The following ITGAV variants were observed in gnomAD, a reference collection of about 807,000 sequenced individuals.
The protein encoded by ITGAV is integrin alpha-V.
ITGAV carries 76 observed loss-of-function variants against 143.8 expected under a neutral mutation model. The observed-to-expected ratio is 0.53, with a 90% confidence interval of 0.44 to 0.64. The LOEUF is 0.64. Among genes scored for constraint, ITGAV ranks in the 30% least tolerant of loss-of-function variants. The pLI, the probability that ITGAV is intolerant of heterozygous loss-of-function variation, is 0.00. For synonymous variants in ITGAV, 453 were observed against 446.7 expected (o/e 1.01, Z -0.18); for missense variants, 1,193 against 1,274.7 (o/e 0.94, Z 0.98).
intron 2 of ITGAV, among the ~76,000 whole-genome samples, chr2:186,618,341 C>T (rs1687425369): frequency 6.6e-6 from 1 of 152,144 alleles, no homozygotes; most frequent in Admixed American, 6.5e-5. Context: ...GTTTTGGGTG[C>T]CAATATACGC....
At chr2:186,647,851 A>C (rs1417732494) in intron 13 of ITGAV, among the ~76,000 whole-genome samples, 1 of 152,210 alleles carries the variant, frequency 6.6e-6, no homozygotes, top group Non-Finnish European at 1.5e-5. Flanking sequence ...TCAATATACA[A>C]GTGTGTTGGT....
intron 18 of ITGAV, among the ~76,000 whole-genome samples, chr2:186,663,016 T>G (rs1410891445): frequency 5.9e-5 from 9 of 152,178 alleles, no homozygotes; most frequent in Non-Finnish European, 1.2e-4. Context: ...ATTTTTATGT[T>G]TCTTCTTTCA....
intron 26 of ITGAV, among the ~76,000 whole-genome samples, chr2:186,673,859 C>T (rs948279092): frequency 1.1e-4 from 16 of 151,830 alleles, no homozygotes; most frequent in African/African-American, 3.9e-4. Flanking sequence ...TTAGTAGAGA[C>T]AGGTTTCACC....
intron 3 of ITGAV, 25 bp downstream of exon 3, chr2:186,622,455 C>G: frequency 2.1e-6 from 3 of 1,455,696 alleles, no homozygotes; most frequent in Non-Finnish European, 2.9e-6. Flanking sequence ...TATTTACTTA[C>G]AGGTGATTTT....
intron 12 of ITGAV, among the ~76,000 whole-genome samples, chr2:186,644,829 A>G (rs1050827386): frequency 9.9e-5 from 15 of 151,938 alleles, no homozygotes; most frequent in African/African-American, 3.4e-4. Flanking sequence ...TTAAAAAAAA[A>G]AAAGTACCTC....
intron 8 of ITGAV, among the ~76,000 whole-genome samples, chr2:186,637,863 G>A (rs1399447434): frequency 2.0e-5 from 3 of 152,194 alleles, no homozygotes; most frequent in African/African-American, 7.2e-5. Flanking sequence ...TCAGAGCTCC[G>A]TTTAGGAATC....
At chr2:186,597,865 C>T (rs1019751107) in intron 1 of ITGAV, among the ~76,000 whole-genome samples, 8 of 152,088 alleles carry the variant, frequency 5.3e-5, no homozygotes, top group Admixed American at 1.3e-4. Context: ...CCTGGTGATC[C>T]GAGTTGGACA....
At chr2:186,667,100 C>A in intron 22 of ITGAV, 50 bp from the exon 23 acceptor site, 1 of 1,430,348 alleles carries the variant, frequency 7.0e-7, no homozygotes, top group South Asian at 1.2e-5. Flanking sequence ...TCTGTATGTT[C>A]TTGGTTGTTA....
At chr2:186,633,853 A>G (rs1214962202) in intron 6 of ITGAV, among the ~76,000 whole-genome samples, 1 of 151,968 alleles carries the variant, frequency 6.6e-6, no homozygotes, top group African/African-American at 2.4e-5. Context: ...AATGATCTCT[A>G]AGTGTTTGGG....
intron 2 of ITGAV, among the ~76,000 whole-genome samples, chr2:186,607,751 C>T (rs1219909499): frequency 6.6e-6 from 1 of 152,138 alleles, no homozygotes; most frequent in Non-Finnish European, 1.5e-5. Flanking sequence ...ATTCTGCATG[C>T]CAGTTTGGTC....
intron 2 of ITGAV, among the ~76,000 whole-genome samples, chr2:186,609,313 C>T (rs968648382): frequency 1.2e-4 from 19 of 152,062 alleles, no homozygotes; most frequent in Admixed American, 6.6e-5. Context: ...ATTAAAAGGC[C>T]ATGTAACTGT....
In ITGAV at chr2:186,646,695, T is replaced by C; in HGVS notation, c.1169T>C (p.Ile390Thr). 3 of 1,566,424 alleles carry C rather than the reference T, an allele frequency of 1.9e-6. No homozygotes were observed. The highest frequency in any genetic ancestry group is 2.6e-6 in the Non-Finnish European group (3 of 1,147,852). Reference protein sequence around the residue: ...LDQDGFNDIAIAAPYGGEDKK... With the variant: ...LDQDGFNDIATAAPYGGEDKK... Reference sequence around the variant, plus strand: ...CTTTTTTTCCCCACAGATATTGCAATTGCTGCTCCATATGGGGGTGAAGAT... The same window carrying C: ...CTTTTTTTCCCCACAGATATTGCAACTGCTGCTCCATATGGGGGTGAAGAT... Residue 390 changes from isoleucine to threonine, a missense_variant, in exon 13 of 30, where the codon ATT becomes ACT. By Grantham distance (89) the Ile-to-Thr change is moderately conservative. Coordinates refer to ENST00000261023, the MANE Select transcript of ITGAV (RefSeq NM_002210.5).
intron 28 of ITGAV, among the ~76,000 whole-genome samples, 183 bp from the exon 29 acceptor site, chr2:186,676,630 T>C (rs964714487): frequency 1.3e-5 from 2 of 152,120 alleles, no homozygotes; most frequent in Non-Finnish European, 2.9e-5. Context: ...AGTCAGCCTA[T>C]CATTGGGAGT....
chr2:186,667,646 T>A (rs2595391), intron 23 of ITGAV, 25 bp from the exon 24 acceptor site: 20 of 1,291,374 alleles, frequency 1.5e-5, no homozygotes, highest in Non-Finnish European at 2.2e-5. Context: ...ATATTCATGG[T>A]AGGTTTTCTT....
Position 186,646,697 on chromosome 2 carries a change from G to T in ITGAV, c.1171G>T (p.Ala391Ser). ...DQDGFNDIAIAAPYGGEDKKG... is the reference protein window; with the variant it reads ...DQDGFNDIAISAPYGGEDKKG... ...TTTTTTCCCCACAGATATTGCAATT[G>T]CTGCTCCATATGGGGGTGAAGATAA... is the stretch of plus-strand genomic sequence containing the variant. Residue 391 changes from alanine (A) to serine (S), a missense_variant, in exon 13 of 30, where the codon GCT becomes TCT. By Grantham distance (99) the Ala-to-Ser change is moderately conservative. Coordinates refer to ENST00000261023, the MANE Select transcript of ITGAV (RefSeq NM_002210.5). 6.4e-7 allele frequency: 1 copy of T among 1,558,394 alleles called. No homozygotes were observed. Among genetic ancestry groups the T allele is most frequent in the Non-Finnish European group, 8.7e-7 (1 of 1,143,462 alleles).
At chr2:186,613,786 A>G (rs1026426703) in intron 2 of ITGAV, among the ~76,000 whole-genome samples, 1 of 152,106 alleles carries the variant, frequency 6.6e-6, no homozygotes, top group Non-Finnish European at 1.5e-5. Context: ...AACAAACTGT[A>G]TTTCCTTACT....
chr2:186,607,224 T>TA (rs945037291), intron 2 of ITGAV, among the ~76,000 whole-genome samples: 1 of 152,180 alleles, frequency 6.6e-6, no homozygotes, highest in African/African-American at 2.4e-5. Flanking sequence ...TTTTAGTGCT[T>TA]AAAAGTGCCC....
chr2:186,648,918 A>G (rs772961694), intron 13 of ITGAV, among the ~76,000 whole-genome samples: 61 of 149,064 alleles, frequency 4.1e-4, no homozygotes, highest in African/African-American at 6.4e-4. Context: ...ATTTGTGTGT[A>G]TATATATATA....
intron 1 of ITGAV, among the ~76,000 whole-genome samples, chr2:186,593,452 T>A (rs2105643360): frequency 1.0e-5 from 1 of 96,326 alleles, no homozygotes; most frequent in Admixed American, 1.1e-4. Flanking sequence ...GAAAAAACAT[T>A]CGCATTCTGT....
Sources: allele counts gnomAD v4.1 joint callset (sites outside exome capture counted in the v4.1 genomes callset), GRCh38; gene constraint gnomAD v4.1.1; transcripts MANE v1.5; gene names NCBI Gene and HGNC (gene_info 2026-07-23, HGNC 2026-07-21).